The following EXT1 variants were observed in gnomAD, a reference collection of about 807,000 sequenced individuals.
EXT1 encodes the protein exostosin glycosyltransferase 1.
Under a neutral mutation model 82.5 loss-of-function variants are expected in EXT1, and 20 were observed. The ratio of observed to expected loss-of-function variants is 0.24; its 90% CI spans 0.17 to 0.35. The LOEUF (loss-of-function observed/expected upper bound fraction) is 0.35. Among genes scored for constraint, EXT1 ranks in the 10% least tolerant of loss-of-function variants. The pLI is 1.00. For missense variants in EXT1, 757 were observed against 936.5 expected, an observed-to-expected ratio of 0.81 and a Z score of 2.50; for synonymous variants, 348 against 350.8, an observed-to-expected ratio of 0.99 and a Z score of 0.09.
chr8:118,044,109 C>T (rs1191512369), intron 1 of EXT1, among the ~76,000 whole-genome samples: 1 of 152,186 alleles, frequency 6.6e-6, no homozygotes, highest in Non-Finnish European at 1.5e-5. Context: ...TTACGTATAA[C>T]GCCGACTGAA....
At chr8:117,841,101 G>A (rs144979357) in intron 1 of EXT1, among the ~76,000 whole-genome samples, 9 of 152,254 alleles carry the variant, frequency 5.9e-5, no homozygotes, top group East Asian at 1.9e-4. Context: ...TTATTTTCAC[G>A]CAGAAACTTG....
At chr8:118,109,036 T>C (rs1817844203) in intron 1 of EXT1, among the ~76,000 whole-genome samples, 1 of 151,892 alleles carries the variant, frequency 6.6e-6, no homozygotes, top group South Asian at 2.1e-4. Flanking sequence ...TAAGTGAGAG[T>C]CTGGGCGGCA....
intron 1 of EXT1, among the ~76,000 whole-genome samples, chr8:118,086,309 C>T (rs898347452): frequency 6.6e-6 from 1 of 152,096 alleles, no homozygotes; most frequent in African/African-American, 2.4e-5. Context: ...TTAGGTAAAC[C>T]ATTTTAGGAG....
At chr8:118,008,795 C>G (rs995844169) in intron 1 of EXT1, among the ~76,000 whole-genome samples, 4 of 152,088 alleles carry the variant, frequency 2.6e-5, no homozygotes, top group Admixed American at 6.6e-5. Context: ...TTTCTTCCTG[C>G]TTAAATTGCC....
At chr8:117,966,056 C>T (rs543366767) in intron 1 of EXT1, among the ~76,000 whole-genome samples, 1 of 152,046 alleles carries the variant, frequency 6.6e-6, no homozygotes, top group South Asian at 2.1e-4. Context: ...ACAGAAATCA[C>T]CTGTTTTGTT....
intron 1 of EXT1, among the ~76,000 whole-genome samples, chr8:117,906,165 G>A (rs1813540844): frequency 6.6e-6 from 1 of 152,066 alleles, no homozygotes; most frequent in African/African-American, 2.4e-5. Context: ...ACCATTCAAG[G>A]TCTTATTTCA....
intron 1 of EXT1, among the ~76,000 whole-genome samples, chr8:118,064,038 TG>T (rs1816932566): frequency 6.6e-6 from 1 of 152,148 alleles, no homozygotes; most frequent in South Asian, 2.1e-4. Context: ...AGCTAATTTT[TG>T]TATTTTAGTA....
intron 1 of EXT1, among the ~76,000 whole-genome samples, chr8:118,108,996 G>A (rs1817843537): frequency 6.6e-6 from 1 of 152,180 alleles, no homozygotes; most frequent in Admixed American, 6.5e-5. Flanking sequence ...ATGCACTGTA[G>A]GAACTCACTA....
chr8:117,861,505 T>G (rs1416944420), intron 1 of EXT1, among the ~76,000 whole-genome samples: 3,255 of 112,774 alleles, frequency 0.029, 533 homozygotes, highest in Non-Finnish European at 0.045. Context: ...TTTTTTTTTT[T>G]TTTTTTTGAG....
intron 1 of EXT1, among the ~76,000 whole-genome samples, chr8:118,072,956 A>G (rs1368449582): frequency 6.6e-6 from 1 of 151,804 alleles, no homozygotes; most frequent in Non-Finnish European, 1.5e-5. Context: ...TAGCCATCCA[A>G]GACACGAGGA....
intron 1 of EXT1, among the ~76,000 whole-genome samples, chr8:117,889,818 C>T (rs760183466): frequency 2.0e-5 from 3 of 152,124 alleles, no homozygotes; most frequent in Non-Finnish European, 4.4e-5. Flanking sequence ...GATCTAACTA[C>T]ATAGGAAAAT....
chr8:117,858,777 G>GCAGGCAGA (rs1445192528), intron 1 of EXT1, among the ~76,000 whole-genome samples: 1 of 131,016 alleles, frequency 7.6e-6, no homozygotes, highest in Middle Eastern at 3.4e-3. Flanking sequence ...AGGCAGGCAG[G>GCAGGCAGA]CAGGCAGGCA....
At chr8:117,853,320 A>C (rs1160639633) in intron 1 of EXT1, among the ~76,000 whole-genome samples, 1 of 152,162 alleles carries the variant, frequency 6.6e-6, no homozygotes, top group East Asian at 1.9e-4. Context: ...TGAGGAGGGC[A>C]GATCATTTGA....
intron 1 of EXT1, among the ~76,000 whole-genome samples, chr8:117,993,850 T>G (rs1815484025): frequency 6.6e-6 from 1 of 152,212 alleles, no homozygotes; most frequent in Admixed American, 6.5e-5. Flanking sequence ...GAAGCCAAAG[T>G]GACAGGTTTT....
At chr8:117,883,134 C>CA (rs1275302351) in intron 1 of EXT1, among the ~76,000 whole-genome samples, 3 of 152,112 alleles carry the variant, frequency 2.0e-5, no homozygotes, top group Non-Finnish European at 4.4e-5. Context: ...AATGCATACT[C>CA]AATATTCAGT....
intron 1 of EXT1, among the ~76,000 whole-genome samples, chr8:118,052,074 G>A (rs964841006): frequency 6.6e-5 from 10 of 152,148 alleles, no homozygotes; most frequent in Non-Finnish European, 1.0e-4. Context: ...GCCCTTTTAC[G>A]TTAAGGTCAT....
At position 118,090,469 on chromosome 8, in the gene EXT1, A is replaced by T. The variant is rs1050184848; in HGVS notation, c.962+19616T>A. Among the ~76,000 whole-genome samples the T allele has an allele frequency of 5.6e-4, 85 of 151,346 alleles. 1 individual carries two copies. Among genetic ancestry groups the T allele is most frequent in the Non-Finnish European group, 2.4e-4 (16 of 67,860 alleles). On this transcript the variant is annotated intron_variant, in intron 1 of 10. Coordinates refer to ENST00000378204, the MANE Select transcript of EXT1 (RefSeq NM_000127.3). Reference sequence around the variant, plus strand: ...GGGATGAACCGTGGAAGCTGAAGCCACTCTGTAGAAAACCATGCATGTCCC... The same window carrying T: ...GGGATGAACCGTGGAAGCTGAAGCCTCTCTGTAGAAAACCATGCATGTCCC...
At chr8:117,940,505 A>T (rs1229376345) in intron 1 of EXT1, among the ~76,000 whole-genome samples, 2 of 152,226 alleles carry the variant, frequency 1.3e-5, no homozygotes, top group Non-Finnish European at 2.9e-5. Context: ...AACGACCTTT[A>T]CTAAATAGCT....
intron 1 of EXT1, among the ~76,000 whole-genome samples, chr8:118,074,502 C>A (rs13255534): frequency 7.2e-5 from 11 of 151,910 alleles, no homozygotes; most frequent in Admixed American, 7.2e-4. Flanking sequence ...GAGCCCCACG[C>A]GTGTCCGGCC....
Sources: gnomAD v4.1 joint callset for allele counts (sites outside exome capture counted in the v4.1 genomes callset) on GRCh38, gnomAD v4.1.1 for gene constraint, MANE v1.5 for transcripts, NCBI Gene and HGNC (gene_info 2026-07-23, HGNC 2026-07-21) for gene names.